TSPO: variants seen among roughly 807,000 people sequenced by gnomAD.
TSPO encodes translocator protein.
Under a neutral mutation model 13.9 loss-of-function variants are expected in TSPO, and 14 were observed. The ratio of observed to expected loss-of-function variants is 1.01; its 90% CI spans 0.67 to 1.58. TSPO has a LOEUF of 1.58. TSPO is among the 40% of genes most tolerant of loss of function. TSPO has a pLI of 0.00. For synonymous variants in TSPO, 114 were observed against 105.9 expected, an observed-to-expected ratio of 1.08 and a Z score of -0.47; for missense variants, 232 against 229.6, an observed-to-expected ratio of 1.01 and a Z score of -0.07.
intron 3 of TSPO, among the ~76,000 whole-genome samples, chr22:43,162,353 C>T (rs568347907): frequency 6.6e-6 from 1 of 152,000 alleles, no homozygotes; most frequent in Non-Finnish European, 1.5e-5. Context: ...AACTCCTGAC[C>T]TCAGGTGATC....
At position 43,159,323 on chromosome 22, in the gene TSPO, G is replaced by T; in HGVS notation, c.85G>T (p.Glu29Ter). The T allele has an allele frequency of 6.5e-7, 1 of 1,549,328 alleles. No individual in the cohort carries two copies. The highest frequency in any genetic ancestry group is 8.7e-7 in the Non-Finnish European group (1 of 1,146,888). The change falls in exon 2 of 4, where the codon GAG (glutamate) becomes TAG (stop). Residue 29 changes from glutamate to a stop codon, truncating the protein, a stop_gained. Coordinates refer to ENST00000337554, the MANE Select transcript of TSPO (RefSeq NM_000714.6). LOFTEE classifies it high-confidence loss of function. The stretch of plus-strand genomic sequence containing the variant: ...CGTGGGCTCCCGCTTTGTCCACGGC[G>T]AGGGTCTCCGCTGGTACGCCGGCCT... ...CFVGSRFVHGEGLRWYAGLQK... is the reference protein window; with the variant it reads ...CFVGSRFVHG
intron 2 of TSPO, 53 bp from the exon 3 acceptor site, chr22:43,160,999 A>G (rs1276680517): frequency 9.6e-6 from 15 of 1,566,054 alleles, no homozygotes; most frequent in African/African-American, 4.1e-5. Context: ...GGAGGTGGGC[A>G]ACGCTCCTGG....
chr22:43,159,361 G>A lies in TSPO; in HGVS notation c.123G>A (p.Ser41=), dbSNP rs763364246. ...LRWYAGLQKP[S]WHPPHWVLGP... ...GGTACGCCGGCCTGCAGAAGCCCTC[G>A]TGGCACCCGCCCCACTGGGTGCTGG... is the stretch of plus-strand genomic sequence containing the variant. The change falls in exon 2 of 4, where the codon TCG becomes TCA. Residue 41 remains serine, a synonymous_variant. Coordinates refer to ENST00000337554, the MANE Select transcript of TSPO (RefSeq NM_000714.6). 8.4e-6 allele frequency: 13 copies of A among 1,545,588 alleles called. No homozygotes were observed. The highest frequency in any genetic ancestry group is 1.4e-5 in the African/African-American group (1 of 72,988).
chr22:43,155,370 G>C (rs117321410), intron 1 of TSPO, among the ~76,000 whole-genome samples: 2 of 152,308 alleles, frequency 1.3e-5, no homozygotes, highest in South Asian at 2.1e-4. Flanking sequence ...AACCAGAGCT[G>C]AGCAAGGCTT....
At chr22:43,162,132 T>TA (rs922429150) in intron 3 of TSPO, among the ~76,000 whole-genome samples, 1 of 151,618 alleles carries the variant, frequency 6.6e-6, no homozygotes, top group Admixed American at 6.6e-5. Flanking sequence ...CTGTATTTTT[T>TA]TTTTTTTGAG....
chr22:43,158,340 G>C (rs577169601), intron 1 of TSPO, among the ~76,000 whole-genome samples: 1 of 152,318 alleles, frequency 6.6e-6, no homozygotes, highest in African/African-American at 2.4e-5. Context: ...TGCCCCCCTG[G>C]GTCCTAGCCC....
intron 1 of TSPO, among the ~76,000 whole-genome samples, chr22:43,152,376 G>A (rs908203542): frequency 6.6e-6 from 1 of 152,278 alleles, no homozygotes; most frequent in Non-Finnish European, 1.5e-5. Context: ...GATGGCAGGA[G>A]AGACAGGACT....
chr22:43,153,734 T>A (rs2147049912), intron 1 of TSPO, among the ~76,000 whole-genome samples: 1 of 151,888 alleles, frequency 6.6e-6, no homozygotes, highest in South Asian at 2.1e-4. Flanking sequence ...TTTATTTTTT[T>A]TTTTAACCAC....
At chr22:43,155,112 A>G (rs1262670430) in intron 1 of TSPO, among the ~76,000 whole-genome samples, 1 of 152,094 alleles carries the variant, frequency 6.6e-6, no homozygotes, top group African/African-American at 2.4e-5. Context: ...CACCCAGCTC[A>G]AAGGGAGGGG....
chr22:43,159,623 C>T, intron 2 of TSPO: 2 of 497,466 alleles, frequency 4.0e-6, no homozygotes, highest in South Asian at 8.8e-5. Flanking sequence ...GGGGATGGGT[C>T]AGATGCTCAC....
rs372615034 is a variant in TSPO at position 43,159,280 on chromosome 22, G to A, written c.42G>A (p.Ala14=). ...PWVPAMGFTL[A]PSLGCFVGSR... Reference sequence around the variant, plus strand: ...TGCCCGCCATGGGCTTCACGCTGGCGCCCAGCCTGGGGTGCTTCGTGGGCT... The same window carrying A: ...TGCCCGCCATGGGCTTCACGCTGGCACCCAGCCTGGGGTGCTTCGTGGGCT... Residue 14 remains alanine (A), a synonymous_variant, in exon 2 of 4, where the codon GCG becomes GCA. Coordinates refer to ENST00000337554, the MANE Select transcript of TSPO (RefSeq NM_000714.6). The A allele has an allele frequency of 7.7e-6, 12 of 1,554,978 alleles. No individual in the cohort carries two copies. In the African/African-American group the frequency reaches 1.1e-4, roughly 14 times the overall value.
At position 43,162,881 on chromosome 22, in the gene TSPO, G is replaced by A. The variant is rs767027529; in HGVS notation, c.400G>A (p.Ala134Thr). 5.7e-6 allele frequency: 9 copies of A among 1,577,742 alleles called. No individual in the cohort carries two copies. Among genetic ancestry groups the A allele is most frequent in the East Asian group, 4.7e-5 (2 of 42,730 alleles). Residue 134 changes from alanine to threonine, a missense_variant, in exon 4 of 4, where the codon GCC (alanine) becomes ACC (threonine). Physicochemically the swap from Ala to Thr is moderately conservative, Grantham distance 58. Transcript: ENST00000337554. Reference sequence around the variant, plus strand: ...CTGGTACCAGGTGAGCCCGCTGGCCGCCCGCCTGCTCTACCCCTACCTGGC... The same window carrying A: ...CTGGTACCAGGTGAGCCCGCTGGCCACCCGCCTGCTCTACCCCTACCTGGC... Reference protein sequence around the residue: ...VAWYQVSPLAARLLYPYLAWL... With the variant: ...VAWYQVSPLATRLLYPYLAWL...
At chr22:43,161,000 A>G in intron 2 of TSPO, 52 bp from the exon 3 acceptor site, 2 of 1,566,756 alleles carry the variant, frequency 1.3e-6, no homozygotes, top group African/African-American at 1.4e-5. Context: ...GAGGTGGGCA[A>G]CGCTCCTGGC....
chr22:43,157,955 C>A (rs991149250), intron 1 of TSPO, among the ~76,000 whole-genome samples: 3 of 152,216 alleles, frequency 2.0e-5, no homozygotes, highest in Admixed American at 6.5e-5. Flanking sequence ...TACTAGAAAG[C>A]CTTCAGAAGC....
At chr22:43,161,489 T>A (rs1339023964) in intron 3 of TSPO, among the ~76,000 whole-genome samples, 20 of 151,342 alleles carry the variant, frequency 1.3e-4, no homozygotes, top group Non-Finnish European at 2.4e-4. Context: ...CATAACAGCT[T>A]CTTCTTTTTT....
chr22:43,157,004 C>A (rs985395570), intron 1 of TSPO, among the ~76,000 whole-genome samples: 2 of 152,186 alleles, frequency 1.3e-5, no homozygotes, highest in African/African-American at 4.8e-5. Context: ...TGTGGACTCA[C>A]GCAGGCTCCA....
At position 43,163,052 on chromosome 22, in the gene TSPO, T is replaced by C. The variant is rs1350133159; in HGVS notation, c.*61T>C. On this transcript the variant is annotated 3_prime_UTR_variant, in exon 4 of 4. Transcript: ENST00000337554. ...AGGTGCCATCACGCTTGTGATGTGG[T>C]GGCCGTCACGCTTTCATGACCACTG... The C allele has an allele frequency of 1.3e-6, 2 of 1,562,978 alleles. No homozygotes were observed. Among genetic ancestry groups the C allele is most frequent in the Admixed American group, 1.9e-5 (1 of 53,100 alleles).
At chr22:43,154,384 A>G (rs564810687) in intron 1 of TSPO, among the ~76,000 whole-genome samples, 1 of 149,246 alleles carries the variant, frequency 6.7e-6, no homozygotes, top group Admixed American at 6.6e-5. Context: ...TTTGAGACAG[A>G]GTCTTGCTCT....
rs1437316456 is a variant in TSPO at position 43,153,344 on chromosome 22, T to C, written c.-30+1740T>C. 3.0e-4 allele frequency among the ~76,000 whole-genome samples: 14 copies of C among 46,066 alleles called. 2 individuals carry two copies. The highest frequency in any genetic ancestry group is 0.015 in the Middle Eastern group (2 of 136). The allele number at this position is 46,066 out of a possible 152,430, so 30.2% of individuals were successfully genotyped here. A position where few individuals can be genotyped will look rare whatever the true frequency, so the allele number is the denominator to read the frequency against. ...TGGCTTATTTGTGTTTTCTTTTTTT[T>C]TTTTTTTTTTTTTTTTTTGAGACGG... On this transcript the variant is annotated intron_variant, in intron 1 of 3. Transcript: ENST00000337554.
Sources: gnomAD v4.1 joint callset for allele counts (sites outside exome capture counted in the v4.1 genomes callset) on GRCh38, gnomAD v4.1.1 for gene constraint, MANE v1.5 for transcripts, NCBI Gene and HGNC (gene_info 2026-07-23, HGNC 2026-07-21) for gene names.